PTPRG: variants seen among roughly 807,000 people sequenced by gnomAD.
PTPRG encodes receptor-type tyrosine-protein phosphatase gamma.
In PTPRG, 102 loss-of-function variants were observed where a neutral mutation model predicts 165.3. That is an observed-to-expected ratio of 0.62 (90% CI 0.53 to 0.73). The LOEUF (loss-of-function observed/expected upper bound fraction) is 0.73. Among genes scored for constraint, PTPRG ranks in the 30% least tolerant of loss-of-function variants. PTPRG has a pLI of 0.00. For missense variants in PTPRG, 1,866 were observed against 1,861.4 expected (o/e 1.00, Z -0.05); for synonymous variants, 675 against 669.5 (o/e 1.01, Z -0.13).
chr3:62,269,611 T>A lies in PTPRG; in HGVS notation c.3009+442T>A, dbSNP rs115777159. On this transcript the variant is annotated intron_variant, in intron 20 of 29. Transcript: ENST00000474889. ...TGGGAAATGAATGCTACATAATATA[T>A]ATCCCCCCAGCATTTTAGAAATTTA... Among the ~76,000 whole-genome samples the A allele has an allele frequency of 5.0e-3, 758 of 152,304 alleles. 6 individuals are homozygous for A. The highest frequency in any genetic ancestry group is 0.018 in the African/African-American group (729 of 41,576).
intron 4 of PTPRG, among the ~76,000 whole-genome samples, chr3:62,044,059 A>G (rs1700210268): frequency 6.6e-6 from 1 of 152,190 alleles, no homozygotes; most frequent in Non-Finnish European, 1.5e-5. Context: ...GGAGCCATGA[A>G]CACTCTCTCT....
chr3:61,570,379 C>T (rs1333723777), intron 1 of PTPRG, among the ~76,000 whole-genome samples: 2 of 151,842 alleles, frequency 1.3e-5, no homozygotes, highest in South Asian at 2.1e-4. Context: ...CAGTTGGCTG[C>T]TGAATTCTAG....
chr3:61,809,571 TCTGTAAAA>T (rs1167701971), intron 2 of PTPRG, among the ~76,000 whole-genome samples: 1 of 152,122 alleles, frequency 6.6e-6, no homozygotes, highest in Non-Finnish European at 1.5e-5. Flanking sequence ...CCTGTTAATT[TCTGTAAAA>T]TAAGTATTAT....
chr3:62,188,524 T>G (rs1230096507), intron 8 of PTPRG, among the ~76,000 whole-genome samples: 2 of 152,196 alleles, frequency 1.3e-5, no homozygotes, highest in African/African-American at 4.8e-5. Flanking sequence ...GCACTGAGAT[T>G]TGGGGTGAAT....
chr3:62,004,184 A>G (rs1003821941), intron 4 of PTPRG, among the ~76,000 whole-genome samples: 4 of 152,100 alleles, frequency 2.6e-5, no homozygotes, highest in South Asian at 2.1e-4. Context: ...CCAACCTTAT[A>G]TATTTCCTCT....
At chr3:62,188,747 T>C (rs1050250190) in intron 8 of PTPRG, among the ~76,000 whole-genome samples, 1 of 152,174 alleles carries the variant, frequency 6.6e-6, no homozygotes, top group African/African-American at 2.4e-5. Flanking sequence ...ACAGTGTTCA[T>C]TGCTATTTGG....
chr3:61,899,587 A>G (rs1380297492), intron 2 of PTPRG, among the ~76,000 whole-genome samples: 4 of 152,104 alleles, frequency 2.6e-5, no homozygotes, highest in African/African-American at 7.2e-5. Flanking sequence ...TGTCTATGGA[A>G]AAAAGGGTGA....
chr3:62,161,284 GGACT>G (rs1704751692), intron 7 of PTPRG, among the ~76,000 whole-genome samples: 1 of 152,102 alleles, frequency 6.6e-6, no homozygotes, highest in Non-Finnish European at 1.5e-5. Context: ...CTTTAAAGCA[GGACT>G]GTCTGGTAGA....
chr3:62,001,785 G>C (rs1229607042), intron 3 of PTPRG, among the ~76,000 whole-genome samples: 1 of 152,122 alleles, frequency 6.6e-6, no homozygotes, highest in Non-Finnish European at 1.5e-5. Context: ...GTTAAATAAA[G>C]GTTTATTGGA....
intron 6 of PTPRG, among the ~76,000 whole-genome samples, chr3:62,145,982 T>C (rs1704105393): frequency 6.6e-6 from 1 of 152,202 alleles, no homozygotes; most frequent in African/African-American, 2.4e-5. Context: ...GGTTTTCCTT[T>C]GTGAATTAGG....
At chr3:61,992,782 A>G (rs2040928753) in intron 3 of PTPRG, among the ~76,000 whole-genome samples, 1 of 151,550 alleles carries the variant, frequency 6.6e-6, no homozygotes, top group South Asian at 2.1e-4. Flanking sequence ...TCAGCCTCCC[A>G]AAGTGCTGGG....
intron 1 of PTPRG, among the ~76,000 whole-genome samples, chr3:61,607,881 C>T (rs1575534180): frequency 2.0e-5 from 3 of 152,150 alleles, no homozygotes; most frequent in Non-Finnish European, 4.4e-5. Flanking sequence ...TGCCTCTTCT[C>T]CAGGCCTGGC....
chr3:61,721,634 C>T (rs17671782), intron 1 of PTPRG, among the ~76,000 whole-genome samples: 1 of 152,166 alleles, frequency 6.6e-6, no homozygotes, highest in East Asian at 1.9e-4. Flanking sequence ...ACACCATGTC[C>T]TGCATATTTT....
At chr3:61,662,880 C>A (rs372873231) in intron 1 of PTPRG, among the ~76,000 whole-genome samples, 50 of 152,316 alleles carry the variant, frequency 3.3e-4, no homozygotes, top group African/African-American at 1.2e-3. Flanking sequence ...TGCGGAAATG[C>A]AGGTGAGCAA....
chr3:62,104,426 A>T (rs1324035867), intron 5 of PTPRG, among the ~76,000 whole-genome samples: 1 of 152,242 alleles, frequency 6.6e-6, no homozygotes, highest in Non-Finnish European at 1.5e-5. Flanking sequence ...GAAAGTCAGT[A>T]CAATTCTACC....
At chr3:61,979,035 C>T (rs989975090) in intron 2 of PTPRG, among the ~76,000 whole-genome samples, 12 of 151,962 alleles carry the variant, frequency 7.9e-5, no homozygotes, top group African/African-American at 2.9e-4. Context: ...TTGAAAGGAT[C>T]GAAGAAGATA....
At chr3:61,596,993 G>A (rs925404664) in intron 1 of PTPRG, among the ~76,000 whole-genome samples, 33 of 152,118 alleles carry the variant, frequency 2.2e-4, no homozygotes, top group Non-Finnish European at 3.4e-4. Context: ...TGGAGGCTGG[G>A]AAGTCCAAGA....
At chr3:62,149,252 G>A (rs183226519) in intron 6 of PTPRG, among the ~76,000 whole-genome samples, 2 of 148,114 alleles carry the variant, frequency 1.4e-5, no homozygotes, top group East Asian at 4.0e-4. Context: ...TCCCTCTGGG[G>A]TCCCCCTAGG....
At chr3:61,745,207 C>T (rs1056967792) in intron 1 of PTPRG, among the ~76,000 whole-genome samples, 4 of 151,972 alleles carry the variant, frequency 2.6e-5, no homozygotes, top group African/African-American at 9.7e-5. Flanking sequence ...TGCCACCATG[C>T]CCAGCTCATT....
Sources: allele counts gnomAD v4.1 joint callset (sites outside exome capture counted in the v4.1 genomes callset), GRCh38; gene constraint gnomAD v4.1.1; transcripts MANE v1.5; gene names NCBI Gene and HGNC (gene_info 2026-07-23, HGNC 2026-07-21).